Variants in ZNF207 observed in about 807,000 individuals in gnomAD.
ZNF207 encodes the protein BUB3-interacting and GLEBS motif-containing protein ZNF207.
A neutral mutation model predicts 60.2 loss-of-function variants in ZNF207; 24 were observed. The ratio of observed to expected loss-of-function variants is 0.40; its 90% CI spans 0.29 to 0.56. The LOEUF (loss-of-function observed/expected upper bound fraction) is 0.56. Among genes scored for constraint, ZNF207 ranks in the 20% least tolerant of loss-of-function variants. The probability of loss-of-function intolerance (pLI) is 0.49; values close to 1 mark genes in which losing one functional copy is unlikely to be tolerated. For synonymous variants in ZNF207, 236 were observed against 194.7 expected, an observed-to-expected ratio of 1.21 and a Z score of -1.77; for missense variants, 452 against 636.6, an observed-to-expected ratio of 0.71 and a Z score of 3.12.
chr17:32,366,688 A>G lies in ZNF207; in HGVS notation c.852A>G (p.Ser284=). ...AGATGGGGACACCTGTCACAAGCTC[A>G]AGTACAGCTTCATCCAATTCAGAAA... is the stretch of plus-strand genomic sequence containing the variant. The part of the protein sequence containing the change: ...AGQMGTPVTS[S]STASSNSESL... Residue 284 remains serine (S), a synonymous_variant, in exon 9 of 12, where the codon TCA becomes TCG. Transcript: ENST00000394670. 1 of 1,610,370 alleles carries G rather than the reference A, an allele frequency of 6.2e-7. No individual in the cohort carries two copies. The highest frequency in any genetic ancestry group is 8.5e-7 in the Non-Finnish European group (1 of 1,178,788).
chr17:32,359,907 C>T (rs1214912916), intron 3 of ZNF207, among the ~76,000 whole-genome samples: 1 of 151,994 alleles, frequency 6.6e-6, no homozygotes, highest in Non-Finnish European at 1.5e-5. Flanking sequence ...ATTGATTGAT[C>T]ACTTGATAGA....
chr17:32,367,632 T>G, intron 9 of ZNF207, 140 bp from the exon 10 acceptor site: 2 of 1,169,100 alleles, frequency 1.7e-6, no homozygotes, highest in African/African-American at 1.6e-5. Flanking sequence ...TGTGGAATGT[T>G]TATCACATTA....
intron 5 of ZNF207, 193 bp downstream of exon 5, chr17:32,361,160 T>C (rs1441943750): frequency 1.8e-5 from 12 of 667,460 alleles, no homozygotes; most frequent in Non-Finnish European, 2.7e-5. Context: ...AATAGATTTT[T>C]GGGTTTTAGG....
At chr17:32,353,696 G>C (rs997174557) in intron 2 of ZNF207, among the ~76,000 whole-genome samples, 2 of 150,162 alleles carry the variant, frequency 1.3e-5, no homozygotes, top group African/African-American at 4.9e-5. Flanking sequence ...GCTGGGGGCG[G>C]GGGGCGCGAG....
rs1905750813 is a variant in ZNF207, at chr17:32,378,308, T to C, written c.*8549T>C. The C allele has an allele frequency of 6.6e-6, 1 of 152,054 alleles. No individual in the cohort carries two copies. Among genetic ancestry groups the C allele is most frequent in the Non-Finnish European group, 1.5e-5 (1 of 67,912 alleles). The allele number at this position is 152,054 out of a possible 1,614,324, so 9.4% of individuals were successfully genotyped here. A position where few individuals can be genotyped will look rare whatever the true frequency, so the allele number is the denominator to read the frequency against. ...TCCAGGGCTTTGGGTCCAGGGTCTT[T>C]TACTTAAGCTATTTCATGGTGGTTC... On this transcript the variant is annotated 3_prime_UTR_variant, in exon 12 of 12. Transcript: ENST00000394670.
chr17:32,357,892 T>G (rs1291048951), intron 2 of ZNF207, among the ~76,000 whole-genome samples: 2 of 150,452 alleles, frequency 1.3e-5, no homozygotes, highest in African/African-American at 4.9e-5. Context: ...TGATTCTGCC[T>G]CCTCAGCCTC....
Position 32,380,320 on chromosome 17 carries a change from A to T in ZNF207, c.*10561A>T, listed in dbSNP as rs1905832913. On this transcript the variant is annotated 3_prime_UTR_variant, in exon 12 of 12. Transcript: ENST00000394670. ...TCTTTTGCGACTTCATGTAGATGTG[A>T]TTAACATTTTTTACAAATTTGCCTG... is the stretch of plus-strand genomic sequence containing the variant. 6.6e-6 allele frequency: 1 copy of T among 152,480 alleles called. No homozygotes were observed. The highest frequency in any genetic ancestry group is 6.5e-5 in the Admixed American group (1 of 15,284). The allele number at this position is 152,480 out of a possible 1,614,324, so 9.4% of individuals were successfully genotyped here. A position where few individuals can be genotyped will look rare whatever the true frequency, so the allele number is the denominator to read the frequency against.
In ZNF207 at chr17:32,376,344, T is replaced by TC. The variant is rs1419198334; in HGVS notation, c.*6586dup. Reference sequence around the variant, plus strand: ...CGTTTTAAAGTAACATTAAAAAAATTCTTCAGTAAGATAATTGCTTTTAAT... The same window carrying TC: ...CGTTTTAAAGTAACATTAAAAAAATTCCTTCAGTAAGATAATTGCTTTTAAT... On this transcript the variant is annotated 3_prime_UTR_variant, in exon 12 of 12. Transcript: ENST00000394670. 6.6e-6 allele frequency: 1 copy of TC among 152,118 alleles called. No homozygotes were observed. Among genetic ancestry groups the TC allele is most frequent in the African/African-American group, 2.4e-5 (1 of 41,460 alleles). 9.4% of individuals were successfully genotyped at this position (152,118 alleles called of 1,614,324 possible).
At chr17:32,362,148 G>T (rs1006814451) in intron 6 of ZNF207, among the ~76,000 whole-genome samples, 1 of 151,332 alleles carries the variant, frequency 6.6e-6, no homozygotes, top group African/African-American at 2.4e-5. Flanking sequence ...GTGTGTGTGT[G>T]TGTGTGTGTA....
At position 32,358,502 on chromosome 17, in the gene ZNF207, G is replaced by A. The variant is rs1217203448; in HGVS notation, c.169-1G>A. 6.5e-7 allele frequency: 1 copy of A among 1,540,308 alleles called. No individual in the cohort carries two copies. ...TATCTAATGGAAATTGTTGTTGTTA[G>A]GTACATAAAGAAACAATAGATGCCG... On this transcript the variant is annotated splice_acceptor_variant, in intron 2 of 11. Coordinates refer to ENST00000394670, the MANE Select transcript of ZNF207 (RefSeq NM_001098507.2). LOFTEE classifies it high-confidence loss of function.
In ZNF207 at chr17:32,372,096, G is replaced by T; in HGVS notation, c.*2337G>T. The T allele has an allele frequency of 1.3e-5, 2 of 152,360 alleles. No homozygotes were observed. Among genetic ancestry groups the T allele is most frequent in the Non-Finnish European group, 2.9e-5 (2 of 68,140 alleles). The allele number at this position is 152,360 out of a possible 1,614,324, so 9.4% of individuals were successfully genotyped here. A position where few individuals can be genotyped will look rare whatever the true frequency, so the allele number is the denominator to read the frequency against. ...CGGGTGGATCATGAGGTCAGGAGATGGAGACCATCCTGGCTAACACGGTGA... is the reference window on the plus strand; with the variant it reads ...CGGGTGGATCATGAGGTCAGGAGATTGAGACCATCCTGGCTAACACGGTGA... On this transcript the variant is annotated 3_prime_UTR_variant, in exon 12 of 12. Transcript: ENST00000394670.
intron 2 of ZNF207, among the ~76,000 whole-genome samples, chr17:32,354,555 C>G (rs1285939744): frequency 3.3e-5 from 5 of 151,834 alleles, no homozygotes; most frequent in African/African-American, 1.2e-4. Flanking sequence ...GTGATCCCAT[C>G]TACTTTGGCC....
rs1338730097 is a variant in ZNF207, at chr17:32,378,478, T to C, written c.*8719T>C. ...TTTTTTGTTCTTTTAGCAACACTTG[T>C]AAATACAAGTACTCCTCTATTTTTG... On this transcript the variant is annotated 3_prime_UTR_variant, in exon 12 of 12. Transcript: ENST00000394670. 1.3e-5 allele frequency: 2 copies of C among 152,076 alleles called. No individual in the cohort carries two copies. The highest frequency in any genetic ancestry group is 2.4e-5 in the African/African-American group (1 of 41,452). The allele number at this position is 152,076 out of a possible 1,614,324, so 9.4% of individuals were successfully genotyped here.
intron 3 of ZNF207, among the ~76,000 whole-genome samples, chr17:32,359,219 TCTC>T (rs1398247458): frequency 1.3e-5 from 2 of 152,124 alleles, no homozygotes; most frequent in African/African-American, 4.8e-5. Context: ...TTCAAGCAAT[TCTC>T]CTGCCTCAGC....
In ZNF207 at chr17:32,371,595, A is replaced by C. The variant is rs571814580; in HGVS notation, c.*1836A>C. 1 of 152,324 alleles carries C rather than the reference A, an allele frequency of 6.6e-6. No homozygotes were observed. Among genetic ancestry groups the C allele is most frequent in the South Asian group, 2.1e-4 (1 of 4,822 alleles). 9.4% of individuals were successfully genotyped at this position (152,324 alleles called of 1,614,324 possible). ...AAAACCCCATCTGTACAAAACATTT[A>C]AAAATTAGCCAGGCGCGTTAGTGTG... On this transcript the variant is annotated 3_prime_UTR_variant, in exon 12 of 12. Coordinates refer to ENST00000394670, the MANE Select transcript of ZNF207 (RefSeq NM_001098507.2).
At chr17:32,362,155 T>TGA (rs1009895123) in intron 6 of ZNF207, among the ~76,000 whole-genome samples, 7 of 151,250 alleles carry the variant, frequency 4.6e-5, no homozygotes, top group African/African-American at 1.7e-4. Context: ...TGTGTGTGTG[T>TGA]GTATATGTAT....
intron 6 of ZNF207, 112 bp downstream of exon 6, chr17:32,361,627 T>G (rs1259499752): frequency 6.4e-6 from 6 of 940,732 alleles, no homozygotes; most frequent in Non-Finnish European, 9.1e-6. Context: ...CTAACCTTCC[T>G]CACTAAAACT....
intron 8 of ZNF207, 46 bp from the exon 9 acceptor site, chr17:32,366,619 C>T (rs1289158247): frequency 6.5e-7 from 1 of 1,530,736 alleles, no homozygotes; most frequent in East Asian, 2.4e-5. Flanking sequence ...TATTTTGACC[C>T]ATTTGTTTGG....
At chr17:32,358,069 C>T (rs958144151) in intron 2 of ZNF207, among the ~76,000 whole-genome samples, 1 of 152,190 alleles carries the variant, frequency 6.6e-6, no homozygotes, top group African/African-American at 2.4e-5. Flanking sequence ...TGTGAGCCAC[C>T]TCGCCTGGCT....
Sources: gnomAD v4.1 joint callset for allele counts (sites outside exome capture counted in the v4.1 genomes callset) on GRCh38, gnomAD v4.1.1 for gene constraint, MANE v1.5 for transcripts, NCBI Gene and HGNC (gene_info 2026-07-23, HGNC 2026-07-21) for gene names.